RRP15: variants seen among roughly 807,000 people sequenced by gnomAD.
RRP15 encodes the protein ribosomal RNA processing 15 homolog, also known as RRP15-like protein.
Under a neutral mutation model 27.1 loss-of-function variants are expected in RRP15, and 18 were observed. That is an observed-to-expected ratio of 0.66 (90% confidence interval 0.46 to 0.98). RRP15 has a LOEUF of 0.98. RRP15 is among the 50% of genes least tolerant of loss of function. RRP15 has a pLI of 0.00. For synonymous variants in RRP15, 107 were observed against 109.4 expected (o/e 0.98, Z 0.14); for missense variants, 359 against 337.8 (o/e 1.06, Z -0.49).
At chr1:218,315,971 C>T (rs969192397) in intron 4 of RRP15, among the ~76,000 whole-genome samples, 3 of 152,190 alleles carry the variant, frequency 2.0e-5, no homozygotes, top group Non-Finnish European at 4.4e-5. Context: ...AAAAGTGAGA[C>T]TCCATGTTTG....
At chr1:218,321,504 G>T (rs879683472) in intron 4 of RRP15, among the ~76,000 whole-genome samples, 1 of 152,144 alleles carries the variant, frequency 6.6e-6, no homozygotes, top group African/African-American at 2.4e-5. Context: ...AAATACCTAT[G>T]TCTAACATGT....
intron 1 of RRP15, among the ~76,000 whole-genome samples, chr1:218,286,510 C>G (rs1655551255): frequency 6.6e-6 from 1 of 152,236 alleles, no homozygotes; most frequent in South Asian, 2.1e-4. Flanking sequence ...CGTACCACCA[C>G]TACTCTTCTT....
Position 218,302,423 on chromosome 1 carries a change from T to C in RRP15, c.269T>C (p.Met90Thr), listed in dbSNP as rs773019228. 4 of 1,614,022 alleles carry C rather than the reference T, an allele frequency of 2.5e-6. No individual in the cohort carries two copies. Among genetic ancestry groups the C allele is most frequent in the Admixed American group, 1.7e-5 (1 of 60,000 alleles). ...GGAGAATCAAGTGTTGGGACTAATA[T>C]GGGCTGGGCAGATGCTATGGCTAAA... ...NDGESSVGTN[M>T]GWADAMAKVL... The change falls in exon 2 of 5, where the codon ATG (methionine) becomes ACG (threonine). Residue 90 changes from methionine (M) to threonine (T), a missense_variant. Coordinates refer to ENST00000366932, the MANE Select transcript of RRP15 (RefSeq NM_016052.4).
In RRP15 at chr1:218,333,783, GC is replaced by G. The variant is rs1327424035; in HGVS notation, c.*2694del. 6.6e-6 allele frequency: 1 copy of G among 152,186 alleles called. No homozygotes were observed. Among genetic ancestry groups the G allele is most frequent in the Non-Finnish European group, 1.5e-5 (1 of 68,036 alleles). 9.4% of individuals were successfully genotyped at this position (152,186 alleles called of 1,614,324 possible). Reference sequence around the variant, plus strand: ...CAAAGTGCTTGGATTACAGGTGTGAGCCACCATACCACCTGTCTTTGAATTT... The same window carrying G: ...CAAAGTGCTTGGATTACAGGTGTGAGCACCATACCACCTGTCTTTGAATTT... On this transcript the variant is annotated 3_prime_UTR_variant, in exon 5 of 5. Coordinates refer to ENST00000366932, the MANE Select transcript of RRP15 (RefSeq NM_016052.4).
At chr1:218,298,288 C>G (rs1210647534) in intron 1 of RRP15, among the ~76,000 whole-genome samples, 1 of 152,140 alleles carries the variant, frequency 6.6e-6, no homozygotes, top group Non-Finnish European at 1.5e-5. Context: ...GTAAAACTTC[C>G]TCTAAGCCAT....
intron 4 of RRP15, among the ~76,000 whole-genome samples, chr1:218,318,341 A>G (rs911182623): frequency 1.3e-5 from 2 of 152,160 alleles, no homozygotes; most frequent in African/African-American, 2.4e-5. Context: ...CTCACCTATT[A>G]CATTTGATTC....
intron 4 of RRP15, among the ~76,000 whole-genome samples, chr1:218,313,920 C>A (rs1355559635): frequency 6.6e-6 from 1 of 152,170 alleles, no homozygotes; most frequent in East Asian, 1.9e-4. Context: ...CAATTACATA[C>A]CAACATGTGG....
chr1:218,286,969 T>C (rs1558199354), intron 1 of RRP15, among the ~76,000 whole-genome samples: 1 of 152,078 alleles, frequency 6.6e-6, no homozygotes, highest in Non-Finnish European at 1.5e-5. Context: ...TCTTTTTCTT[T>C]TTGAGACAGG....
intron 4 of RRP15, among the ~76,000 whole-genome samples, chr1:218,323,110 T>C (rs1358515728): frequency 3.9e-5 from 6 of 152,196 alleles, no homozygotes; most frequent in Non-Finnish European, 8.8e-5. Flanking sequence ...TAAAGAGGTG[T>C]CACAGCCCTG....
chr1:218,325,081 T>A (rs1656250642), intron 4 of RRP15, among the ~76,000 whole-genome samples: 1 of 152,206 alleles, frequency 6.6e-6, no homozygotes. Context: ...GGTTCTTGGA[T>A]CTTCCTTTTT....
intron 1 of RRP15, among the ~76,000 whole-genome samples, chr1:218,295,004 C>T (rs928552151): frequency 6.6e-6 from 1 of 152,104 alleles, no homozygotes; most frequent in Non-Finnish European, 1.5e-5. Flanking sequence ...AAGGTGATGG[C>T]CCTACCTGAG....
chr1:218,304,941 T>C, intron 2 of RRP15, 87 bp from the exon 3 acceptor site: 2 of 1,215,014 alleles, frequency 1.6e-6, no homozygotes, highest in Non-Finnish European at 2.4e-6. Context: ...TTTATTACCT[T>C]CACCCTTTCA....
chr1:218,312,676 T>C (rs1480735551), intron 4 of RRP15, among the ~76,000 whole-genome samples: 1 of 152,112 alleles, frequency 6.6e-6, no homozygotes. Context: ...GCTCACGAAA[T>C]TAGAAAATCG....
chr1:218,320,825 T>C (rs2102511960), intron 4 of RRP15, among the ~76,000 whole-genome samples: 1 of 152,294 alleles, frequency 6.6e-6, no homozygotes, highest in African/African-American at 2.4e-5. Context: ...GCAAATAGCT[T>C]ACTGAAAATT....
intron 1 of RRP15, among the ~76,000 whole-genome samples, chr1:218,287,227 C>T (rs1167612541): frequency 2.6e-5 from 4 of 151,110 alleles, no homozygotes; most frequent in Admixed American, 6.6e-5. Flanking sequence ...GTGATCCACC[C>T]GTCTCGGCCT....
intron 1 of RRP15, among the ~76,000 whole-genome samples, chr1:218,286,823 G>C (rs1655555690): frequency 6.6e-6 from 1 of 152,184 alleles, no homozygotes; most frequent in African/African-American, 2.4e-5. Context: ...TATTTGTTGG[G>C]CCAAAATTAG....
Position 218,309,706 on chromosome 1 carries a change from A to C in RRP15, c.705+2074A>C, listed in dbSNP as rs961549918. 3.8e-4 allele frequency among the ~76,000 whole-genome samples: 57 copies of C among 151,536 alleles called. No individual in the cohort carries two copies. The East Asian group carries it at 0.011, about 28-fold the overall frequency. On this transcript the variant is annotated intron_variant, in intron 4 of 4. Transcript: ENST00000366932. ...TCAAAAAAAAAAAAAAAAAAAAAAA[A>C]AACATATTTATTAAGTGCCTGTTTC... is the stretch of plus-strand genomic sequence containing the variant.
chr1:218,294,223 C>T (rs1007181627), intron 1 of RRP15, among the ~76,000 whole-genome samples: 6 of 152,146 alleles, frequency 3.9e-5, no homozygotes, highest in Admixed American at 2.6e-4. Flanking sequence ...TTCATTCTCA[C>T]ACCCTAAGCA....
chr1:218,335,236 C>T lies in RRP15; in HGVS notation c.*4145C>T, dbSNP rs539083427. ...GGAGTTAGTATTTAGGACTTTTTAC[C>T]TAGAGATGCGGTAAACCTTTTAAAT... On this transcript the variant is annotated 3_prime_UTR_variant, in exon 5 of 5. Transcript: ENST00000366932. 1.3e-5 allele frequency: 2 copies of T among 152,046 alleles called. No individual in the cohort carries two copies. The highest frequency in any genetic ancestry group is 2.1e-4 in the South Asian group (1 of 4,818). The allele number at this position is 152,046 out of a possible 1,614,324, so 9.4% of individuals were successfully genotyped here.
Sources: gnomAD v4.1 joint callset for allele counts (sites outside exome capture counted in the v4.1 genomes callset) on GRCh38, gnomAD v4.1.1 for gene constraint, MANE v1.5 for transcripts, NCBI Gene and HGNC (gene_info 2026-07-23, HGNC 2026-07-21) for gene names.